NAA11: variants seen among roughly 807,000 people sequenced by gnomAD.
NAA11 encodes N-alpha-acetyltransferase 11, NatA catalytic subunit.
In NAA11, 15 loss-of-function variants were observed where a neutral mutation model predicts 16.1. That is an observed-to-expected ratio of 0.93 (90% CI 0.62 to 1.44). The LOEUF (loss-of-function observed/expected upper bound fraction) is 1.44, where lower values mean the gene tolerates loss of function less well. Ranked by LOEUF, NAA11 falls within the 40% of genes most tolerant of loss-of-function variation. The pLI, the probability that NAA11 is intolerant of heterozygous loss-of-function variation, is 0.00. For missense variants in NAA11, 298 were observed against 291.3 expected (o/e 1.02, Z -0.17); for synonymous variants, 122 against 112.4 (o/e 1.09, Z -0.54).
At chr4:79,230,960 T>C (rs1351197253) in intron 2 of NAA11, among the ~76,000 whole-genome samples, 1 of 152,022 alleles carries the variant, frequency 6.6e-6, no homozygotes, top group Non-Finnish European at 1.5e-5. Context: ...AGACCTTTAC[T>C]TTCTTATCAA....
the NAA11 span, among the ~76,000 whole-genome samples, chr4:79,167,463 T>G: frequency 6.6e-6 from 1 of 151,588 alleles, no homozygotes; most frequent in Non-Finnish European, 1.5e-5. Context: ...ATAGGGATAA[T>G]AGTATCTGCA....
At chr4:79,234,054 A>G (rs771978833) in intron 2 of NAA11, among the ~76,000 whole-genome samples, 3 of 152,236 alleles carry the variant, frequency 2.0e-5, no homozygotes, top group South Asian at 2.1e-4. Flanking sequence ...GGAAACTGCA[A>G]TCTTTTGTGT....
chr4:79,187,782 G>A, the NAA11 span, among the ~76,000 whole-genome samples: 2 of 152,030 alleles, frequency 1.3e-5, no homozygotes, highest in South Asian at 4.2e-4. Context: ...TGATCACGAG[G>A]TCAGGAGATC....
the NAA11 span, among the ~76,000 whole-genome samples, chr4:79,209,512 C>T: frequency 6.6e-6 from 1 of 152,090 alleles, no homozygotes; most frequent in African/African-American, 2.4e-5. Flanking sequence ...CAACCCAACT[C>T]CCCAGAGGGA....
chr4:79,250,915 T>C lies in NAA11; in HGVS notation c.*123-24645A>G, dbSNP rs553892130. 4.6e-5 allele frequency among the ~76,000 whole-genome samples: 7 copies of C among 152,232 alleles called. No homozygotes were observed. The East Asian group carries it at 1.2e-3, about 25-fold the overall frequency. Reference sequence around the variant, plus strand: ...TAGAGAAATGCAAATCAAACCACAATGACATACCATCTCACACTAGTCAGA... The same window carrying C: ...TAGAGAAATGCAAATCAAACCACAACGACATACCATCTCACACTAGTCAGA... On this transcript the variant is annotated intron_variant and NMD_transcript_variant, in intron 2 of 2. Coordinates refer to the NAA11 transcript ENST00000511542.
At chr4:79,162,840 A>G in the NAA11 span, among the ~76,000 whole-genome samples, 1 of 152,208 alleles carries the variant, frequency 6.6e-6, no homozygotes. Flanking sequence ...AGCTTTTCCT[A>G]AAGAGGCAAC....
At chr4:79,299,877 A>G (rs1723335555) in intron 1 of NAA11, among the ~76,000 whole-genome samples, 2 of 152,294 alleles carry the variant, frequency 1.3e-5, no homozygotes, top group African/African-American at 4.8e-5. Context: ...TGACTCTACA[A>G]TATCTAAGGA....
chr4:79,246,523 T>C lies in NAA11; in HGVS notation c.*123-20253A>G, dbSNP rs531394691. Among the ~76,000 whole-genome samples the C allele has an allele frequency of 2.4e-3, 362 of 152,270 alleles. 1 individual carries two copies. Among genetic ancestry groups the C allele is most frequent in the African/African-American group, 7.9e-3 (328 of 41,564 alleles). On this transcript the variant is annotated intron_variant and NMD_transcript_variant, in intron 2 of 2. Transcript: ENST00000511542. Reference sequence around the variant, plus strand: ...ATATGTAAAAAGAAAAATTTAGTGGTATCTTCAGGAAAAAGAAAGGATCAA... The same window carrying C: ...ATATGTAAAAAGAAAAATTTAGTGGCATCTTCAGGAAAAAGAAAGGATCAA...
At chr4:79,176,306 T>C in the NAA11 span, among the ~76,000 whole-genome samples, 1 of 152,184 alleles carries the variant, frequency 6.6e-6, no homozygotes, top group Non-Finnish European at 1.5e-5. Flanking sequence ...CTTTTGTGTA[T>C]GCATGTATTA....
chr4:79,188,069 C>T, the NAA11 span, among the ~76,000 whole-genome samples: 7 of 150,136 alleles, frequency 4.7e-5, no homozygotes, highest in East Asian at 1.4e-3. Context: ...AACAGAATTC[C>T]AGTTTTAAAT....
chr4:79,198,252 C>T, the NAA11 span, among the ~76,000 whole-genome samples: 2 of 151,776 alleles, frequency 1.3e-5, no homozygotes, highest in African/African-American at 4.8e-5. Context: ...ATGCCTCCTT[C>T]GTGGGCAGAA....
chr4:79,301,068 C>A (rs2110001944), intron 1 of NAA11, among the ~76,000 whole-genome samples: 1 of 152,310 alleles, frequency 6.6e-6, no homozygotes, highest in African/African-American at 2.4e-5. Flanking sequence ...AATTAGCAAA[C>A]TGATCTATGC....
chr4:79,239,557 G>T (rs925165870), intron 2 of NAA11, among the ~76,000 whole-genome samples: 2 of 152,080 alleles, frequency 1.3e-5, no homozygotes, highest in African/African-American at 4.8e-5. Flanking sequence ...ACTAAAATTA[G>T]CCAGGTATGG....
At chr4:79,158,227 A>C in the NAA11 span, among the ~76,000 whole-genome samples, 1 of 152,174 alleles carries the variant, frequency 6.6e-6, no homozygotes, top group Non-Finnish European at 1.5e-5. Context: ...TATGCCTCCA[A>C]AAAGCTCCTA....
Position 79,325,227 on chromosome 4 carries a change from G to A in NAA11, c.651C>T (p.Asn217=). ...KEPKESVEST[N]VQDSSESSDS... ...CCGAGCTTTCTGAGCTGTCCTGGAC[G>A]TTGGTGCTCTCCACAGACTCCTTAG... The change falls in exon 1 of 2, where the codon AAC becomes AAT. Residue 217 remains asparagine (N), a synonymous_variant. Transcript: ENST00000286794. The A allele has an allele frequency of 3.1e-6, 5 of 1,613,272 alleles. No individual in the cohort carries two copies. The highest frequency in any genetic ancestry group is 2.2e-5 in the East Asian group (1 of 44,872).
At chr4:79,235,861 C>T (rs914424126) in intron 2 of NAA11, among the ~76,000 whole-genome samples, 5 of 151,386 alleles carry the variant, frequency 3.3e-5, no homozygotes, top group Non-Finnish European at 7.4e-5. Flanking sequence ...TAATTTTTAT[C>T]AATTTCTAGA....
the NAA11 span, among the ~76,000 whole-genome samples, chr4:79,180,317 A>G: frequency 6.6e-6 from 1 of 152,224 alleles, no homozygotes; most frequent in Non-Finnish European, 1.5e-5. Context: ...TATGGACCAC[A>G]TGTGTTTTCT....
At chr4:79,200,437 C>T in the NAA11 span, among the ~76,000 whole-genome samples, 3 of 151,706 alleles carry the variant, frequency 2.0e-5, no homozygotes, top group Admixed American at 6.6e-5. Context: ...TATTAAATTA[C>T]ATTGGAATTA....
At chr4:79,235,942 G>T (rs1209235843) in intron 2 of NAA11, among the ~76,000 whole-genome samples, 1 of 151,142 alleles carries the variant, frequency 6.6e-6, no homozygotes, top group African/African-American at 2.4e-5. Context: ...TCCATTATAT[G>T]GGAATATTAC....
Sources: gnomAD v4.1 joint callset for allele counts (sites outside exome capture counted in the v4.1 genomes callset) on GRCh38, gnomAD v4.1.1 for gene constraint, MANE v1.5 for transcripts, NCBI Gene and HGNC (gene_info 2026-07-23, HGNC 2026-07-21) for gene names.